Variants in PLB1 observed in about 807,000 individuals in gnomAD.
PLB1 encodes the protein phospholipase B1, membrane-associated.
PLB1 carries 242 observed loss-of-function variants against 227.4 expected under a neutral mutation model. The ratio of observed to expected loss-of-function variants is 1.06; its 90% CI spans 0.96 to 1.18. The LOEUF (loss-of-function observed/expected upper bound fraction) is 1.18, where lower values mean the gene tolerates loss of function less well. Among genes scored for constraint, PLB1 ranks in the 50% most tolerant of loss-of-function variants. The pLI, the probability that PLB1 is intolerant of heterozygous loss-of-function variation, is 0.00. For synonymous variants in PLB1, 757 were observed against 682.2 expected (o/e 1.11, Z -1.71); for missense variants, 1,858 against 1,816.3 (o/e 1.02, Z -0.42).
At position 28,593,758 on chromosome 2, in the gene PLB1, A is replaced by T. The variant is rs367557741; in HGVS notation, c.2321+4A>T. The T allele has an allele frequency of 1.2e-6, 2 of 1,612,996 alleles. No homozygotes were observed. The highest frequency in any genetic ancestry group is 2.2e-5 in the East Asian group (1 of 44,884). ...AGTATCGGGGACTGTCATACAGGTA[A>T]TGTTAACCTTTGACCTCTCCCAGCG... On this transcript the variant is annotated splice_donor_region_variant and intron_variant, in intron 33 of 57. Transcript: ENST00000327757.
intron 21 of PLB1, among the ~76,000 whole-genome samples, chr2:28,576,246 T>G (rs758965780): frequency 5.9e-5 from 9 of 152,302 alleles, no homozygotes; most frequent in Non-Finnish European, 8.8e-5. Context: ...CCTGAACAAA[T>G]GCATCGACTT....
intron 17 of PLB1, among the ~76,000 whole-genome samples, chr2:28,556,017 C>T (rs1434584162): frequency 2.4e-4 from 37 of 152,074 alleles, no homozygotes; most frequent in Admixed American, 2.4e-3. Flanking sequence ...TAGGCCCATG[C>T]ACCATGTCCA....
intron 26 of PLB1, among the ~76,000 whole-genome samples, chr2:28,588,225 C>T (rs1681250329): frequency 6.6e-6 from 1 of 152,228 alleles, no homozygotes; most frequent in Non-Finnish European, 1.5e-5. Flanking sequence ...TATGGTTCCA[C>T]TGTGAGCCCA....
intron 1 of PLB1, 106 bp downstream of exon 1, chr2:28,496,275 T>G: frequency 8.7e-7 from 1 of 1,154,058 alleles, no homozygotes; most frequent in South Asian, 1.4e-5. Flanking sequence ...TTTGAAGAGA[T>G]AAAGCACAAA....
rs139304435 is a variant in PLB1 at position 28,585,819 on chromosome 2, A to G, written c.1792A>G (p.Ile598Val). The part of the protein sequence containing the change: ...DDNSTELATL[I>V]EFNKKFQEKT... ...TAACTCAACAGAACTTGCTACCCTC[A>G]TCGAATTCAACAAGAAGTTTCAGGT... Residue 598 changes from isoleucine to valine, a missense_variant, in exon 26 of 58, where the codon ATC (isoleucine) becomes GTC (valine). By Grantham distance (29) the Ile-to-Val change is conservative. Coordinates refer to ENST00000327757, the MANE Select transcript of PLB1 (RefSeq NM_153021.5). 1.5e-4 allele frequency: 237 copies of G among 1,610,642 alleles called. No homozygotes were observed. Among genetic ancestry groups the G allele is most frequent in the Non-Finnish European group, 1.8e-4 (216 of 1,176,942 alleles).
intron 17 of PLB1, among the ~76,000 whole-genome samples, chr2:28,559,740 C>CTTTTTTT (rs10618292): frequency 1.5e-5 from 1 of 66,210 alleles, no homozygotes; most frequent in African/African-American, 6.7e-5. Flanking sequence ...GGCCTGAAAG[C>CTTTTTTT]TTTTTTTTTT....
In PLB1 at chr2:28,629,076, A is replaced by G. The variant is rs1042508422; in HGVS notation, c.3727-18A>G. 6.2e-7 allele frequency: 1 copy of G among 1,608,628 alleles called. No individual in the cohort carries two copies. The highest frequency in any genetic ancestry group is 1.3e-5 in the African/African-American group (1 of 74,698). On this transcript the variant is annotated intron_variant, in intron 52 of 57. Transcript: ENST00000327757. ...CAGTAGCCAGTGCCCTAACGAAACCACCCTCCACTCCCTGCAGCTCCCAAG... is the reference window on the plus strand; with the variant it reads ...CAGTAGCCAGTGCCCTAACGAAACCGCCCTCCACTCCCTGCAGCTCCCAAG...
At chr2:28,630,738 G>A in intron 54 of PLB1, 74 bp downstream of exon 54, 1 of 1,288,288 alleles carries the variant, frequency 7.8e-7, no homozygotes, top group Non-Finnish European at 1.1e-6. Context: ...GAAATCGAAT[G>A]CCCAGCAGGA....
intron 43 of PLB1, among the ~76,000 whole-genome samples, chr2:28,611,986 AAAAAAT>A (rs1360875762): frequency 6.6e-6 from 1 of 152,218 alleles, no homozygotes; most frequent in South Asian, 2.1e-4. Flanking sequence ...CTAAAAATAC[AAAAAAT>A]AAAAATAGCC....
intron 1 of PLB1, among the ~76,000 whole-genome samples, chr2:28,511,312 T>C (rs974084081): frequency 7.2e-5 from 11 of 152,206 alleles, no homozygotes; most frequent in Admixed American, 2.0e-4. Flanking sequence ...TGTTTTTTTT[T>C]CTAATGACAC....
chr2:28,582,324 C>T, intron 24 of PLB1, 81 bp from the exon 25 acceptor site: 1 of 1,305,848 alleles, frequency 7.7e-7, no homozygotes, highest in Non-Finnish European at 1.1e-6. Flanking sequence ...TCTGAAACTT[C>T]AGCAGGAGGA....
chr2:28,596,716 A>G (rs1682973572), intron 33 of PLB1, among the ~76,000 whole-genome samples: 1 of 152,228 alleles, frequency 6.6e-6, no homozygotes, highest in South Asian at 2.1e-4. Context: ...TCCACGAGCA[A>G]GTTAGGCTCA....
At chr2:28,596,991 C>CGGT (rs2148292858) in intron 33 of PLB1, among the ~76,000 whole-genome samples, 1 of 152,146 alleles carries the variant, frequency 6.6e-6, no homozygotes, top group East Asian at 1.9e-4. Context: ...GGGCCAGGCG[C>CGGT]GGTGGCTCAC....
intron 17 of PLB1, among the ~76,000 whole-genome samples, chr2:28,560,077 G>A (rs955783201): frequency 6.6e-5 from 10 of 152,220 alleles, no homozygotes; most frequent in East Asian, 1.9e-4. Context: ...AAAGAAGGCT[G>A]TTGAGAAAGC....
Position 28,541,807 on chromosome 2 carries a change from A to G in PLB1, c.875A>G (p.His292Arg), listed in dbSNP as rs1672528704. 1.9e-6 allele frequency: 3 copies of G among 1,610,130 alleles called. No individual in the cohort carries two copies. The highest frequency in any genetic ancestry group is 1.3e-5 in the African/African-American group (1 of 74,688). Reference protein sequence around the residue: ...PFFYETTPSLHSEDPRLQDST... With the variant: ...PFFYETTPSLRSEDPRLQDST... ...TTCTATGAGACCACCCCATCTCTACACTCGGTAAGTGGGGGCTGCATGGCG... is the reference window on the plus strand; with the variant it reads ...TTCTATGAGACCACCCCATCTCTACGCTCGGTAAGTGGGGGCTGCATGGCG... The change falls in exon 13 of 58, where the codon CAC (histidine) becomes CGC (arginine). Residue 292 changes from histidine (H) to arginine (R), a missense_variant. Transcript: ENST00000327757.
intron 14 of PLB1, among the ~76,000 whole-genome samples, chr2:28,545,064 G>C (rs987577951): frequency 6.6e-6 from 1 of 152,132 alleles, no homozygotes; most frequent in Non-Finnish European, 1.5e-5. Context: ...TACACCCCAC[G>C]TACGGTCTCT....
Position 28,516,857 on chromosome 2 carries a change from G to C in PLB1, c.105G>C (p.Gln35His), listed in dbSNP as rs748613887. The change falls in exon 2 of 58, where the codon CAG becomes CAC. Residue 35 changes from glutamine (Q) to histidine (H), a missense_variant. Gln to His is a conservative substitution (Grantham distance 24). Coordinates refer to ENST00000327757, the MANE Select transcript of PLB1 (RefSeq NM_153021.5). ...CTAGAAAGAGTACATTGGAAGGGCA[G>C]CTATGGCCAGAGGTAAGGGCTTTGG... ...TSPRKSTLEG[Q>H]LWPETLKNSP... is the part of the protein sequence containing the mutation. 1.9e-6 allele frequency: 3 copies of C among 1,613,786 alleles called. No homozygotes were observed. Among genetic ancestry groups the C allele is most frequent in the African/African-American group, 2.7e-5 (2 of 74,930 alleles).
intron 9 of PLB1, among the ~76,000 whole-genome samples, chr2:28,534,114 C>T (rs532213222): frequency 9.9e-5 from 15 of 152,132 alleles, no homozygotes; most frequent in Non-Finnish European, 2.2e-4. Context: ...GTTTTTTTCA[C>T]TAACCAAGTA....
At position 28,626,059 on chromosome 2, in the gene PLB1, G is replaced by A. The variant is rs1440311548; in HGVS notation, c.3580-369G>A. ...CACCCAGGCTGGAGTGCAGTGGTGC[G>A]ATCTCAGCTCACTGCAGCATCTGCC... On this transcript the variant is annotated intron_variant, in intron 50 of 57. Transcript: ENST00000327757. Among the ~76,000 whole-genome samples, 4 of 150,732 alleles carry A rather than the reference G, an allele frequency of 2.7e-5. No individual in the cohort carries two copies. In the South Asian group the frequency reaches 6.3e-4, roughly 24 times the overall value.
Sources: gnomAD v4.1 joint callset for allele counts (sites outside exome capture counted in the v4.1 genomes callset) on GRCh38, gnomAD v4.1.1 for gene constraint, MANE v1.5 for transcripts, NCBI Gene and HGNC (gene_info 2026-07-23, HGNC 2026-07-21) for gene names.